Variants in MARCHF2 observed in about 807,000 individuals in gnomAD.
The protein encoded by MARCHF2 is membrane associated ring-CH-type finger 2, also known as E3 ubiquitin-protein ligase MARCHF2.
In MARCHF2, 22 loss-of-function variants were observed where a neutral mutation model predicts 24.0. The observed-to-expected ratio is 0.92, with a 90% CI of 0.66 to 1.31. MARCHF2 has a LOEUF of 1.31. Among genes scored for constraint, MARCHF2 ranks in the 50% most tolerant of loss-of-function variants. The pLI, the probability that MARCHF2 is intolerant of heterozygous loss-of-function variation, is 0.00. For synonymous variants in MARCHF2, 154 were observed against 153.0 expected, an observed-to-expected ratio of 1.01 and a Z score of -0.05; for missense variants, 301 against 335.3, an observed-to-expected ratio of 0.90 and a Z score of 0.80.
intron 4 of MARCHF2, among the ~76,000 whole-genome samples, chr19:8,435,018 TA>T (rs1188094919): frequency 7.1e-6 from 1 of 141,222 alleles, no homozygotes; most frequent in East Asian, 2.1e-4. Context: ...ATTTATTTTT[TA>T]ATTTTTTTTT....
intron 2 of MARCHF2, chr19:8,423,353 C>G (rs556315928): frequency 1.3e-5 from 2 of 152,150 alleles, no homozygotes; most frequent in African/African-American, 4.8e-5. Flanking sequence ...AACCACTGTG[C>G]CTGGCCTCTT....
chr19:8,415,735 C>CAAAAAAAAAAAAA (rs1230223487), intron 1 of MARCHF2, among the ~76,000 whole-genome samples: 1 of 96,728 alleles, frequency 1.0e-5, no homozygotes, highest in Non-Finnish European at 2.1e-5. Flanking sequence ...AAAAAAAAAA[C>CAAAAAAAAAAAAA]AAAAAAAACA....
In MARCHF2 at chr19:8,428,761, C is replaced by T. The variant is rs192512456; in HGVS notation, c.373-1897C>T. Among the ~76,000 whole-genome samples, 225 of 147,234 alleles carry T rather than the reference C, an allele frequency of 1.5e-3. 6 individuals carry two copies. The East Asian group carries it at 0.042, about 27-fold the overall frequency. The stretch of plus-strand genomic sequence containing the variant: ...GGTGGATCACCTGAGTTCAGGAGTT[C>T]GAGACCAGCCTGGCCAATGTGGTAA... On this transcript the variant is annotated intron_variant, in intron 3 of 4. Coordinates refer to ENST00000215555, the MANE Select transcript of MARCHF2 (RefSeq NM_001005415.2).
At chr19:8,432,131 C>T (rs924897393) in intron 4 of MARCHF2, among the ~76,000 whole-genome samples, 3 of 152,014 alleles carry the variant, frequency 2.0e-5, no homozygotes, top group Non-Finnish European at 4.4e-5. Context: ...GTACTCCAGC[C>T]TGGGCGACAG....
At chr19:8,417,813 A>T (rs572167436) in intron 1 of MARCHF2, among the ~76,000 whole-genome samples, 4 of 110,644 alleles carry the variant, frequency 3.6e-5, no homozygotes, top group Admixed American at 1.3e-4. Flanking sequence ...CCCAGGCTGG[A>T]GTGCAATGGT....
chr19:8,414,011 CCA>C (rs2145525079), intron 1 of MARCHF2, among the ~76,000 whole-genome samples: 1 of 152,194 alleles, frequency 6.6e-6, no homozygotes, highest in South Asian at 2.1e-4. Flanking sequence ...TTGCCCAGGG[CCA>C]CACAGCACAT....
At chr19:8,422,333 A>T (rs979660030) in intron 2 of MARCHF2, among the ~76,000 whole-genome samples, 2 of 151,736 alleles carry the variant, frequency 1.3e-5, no homozygotes, top group Non-Finnish European at 2.9e-5. Flanking sequence ...CTCGGCCCTG[A>T]CCCTGAGTGG....
At position 8,438,726 on chromosome 19, in the gene MARCHF2, AG is replaced by A; in HGVS notation, c.*183del. 7.7e-6 allele frequency: 4 copies of A among 517,348 alleles called. No homozygotes were observed. Among genetic ancestry groups the A allele is most frequent in the South Asian group, 5.9e-5 (2 of 34,078 alleles). The allele number at this position is 517,348 out of a possible 1,614,324, so 32.0% of individuals were successfully genotyped here. On this transcript the variant is annotated 3_prime_UTR_variant, in exon 5 of 5. Transcript: ENST00000215555. ...TGTGATCCTGTGTGAAGATATTTTC[AG>A]GGTTTTTTTTTTTTTTTTTTTGCAT...
chr19:8,413,524 C>T (rs1247755568), intron 1 of MARCHF2, 104 bp downstream of exon 1: 8 of 152,148 alleles, frequency 5.3e-5, no homozygotes, highest in African/African-American at 1.9e-4. Context: ...GGGCTCGATC[C>T]CTTGGCCACA....
At chr19:8,424,537 G>A (rs145887039) in intron 2 of MARCHF2, among the ~76,000 whole-genome samples, 165 of 152,058 alleles carry the variant, frequency 1.1e-3, no homozygotes, top group Middle Eastern at 6.8e-3. Flanking sequence ...CGTGGTGGCC[G>A]GCGCCTGTAG....
chr19:8,422,682 C>T (rs577120380), intron 2 of MARCHF2, among the ~76,000 whole-genome samples: 30 of 149,102 alleles, frequency 2.0e-4, no homozygotes, highest in Middle Eastern at 3.5e-3. Context: ...TGTGAGCCAC[C>T]GTGCCCAGCC....
At chr19:8,433,871 C>G (rs1359642194) in intron 4 of MARCHF2, among the ~76,000 whole-genome samples, 1 of 93,180 alleles carries the variant, frequency 1.1e-5, no homozygotes, top group East Asian at 2.9e-4. Flanking sequence ...GACTCTGTCT[C>G]AAAAAAAAAA....
At chr19:8,425,090 TTGGGACCGGGCG>T (rs1967361046) in intron 2 of MARCHF2, among the ~76,000 whole-genome samples, 1 of 151,818 alleles carries the variant, frequency 6.6e-6, no homozygotes, top group Non-Finnish European at 1.5e-5. Context: ...AAAAAAAATT[TTGGGACCGGGCG>T]TGGTGGCTCA....
chr19:8,437,603 G>T (rs1449250933), intron 4 of MARCHF2, among the ~76,000 whole-genome samples: 1 of 151,088 alleles, frequency 6.6e-6, no homozygotes, highest in East Asian at 1.9e-4. Context: ...CACCTGCCTT[G>T]GCCTCCCAAA....
At chr19:8,433,378 A>C (rs1300822750) in intron 4 of MARCHF2, among the ~76,000 whole-genome samples, 1 of 151,906 alleles carries the variant, frequency 6.6e-6, no homozygotes, top group Non-Finnish European at 1.5e-5. Context: ...CCCCGTTTCT[A>C]CTAAAAATAC....
chr19:8,417,259 C>T (rs1967108032), intron 1 of MARCHF2, among the ~76,000 whole-genome samples: 1 of 152,028 alleles, frequency 6.6e-6, no homozygotes, highest in Non-Finnish European at 1.5e-5. Flanking sequence ...GCCTGGCCAA[C>T]GTGGTGAAAC....
chr19:8,435,086 T>G (rs951716336), intron 4 of MARCHF2, among the ~76,000 whole-genome samples: 1 of 150,386 alleles, frequency 6.6e-6, no homozygotes, highest in African/African-American at 2.4e-5. Context: ...TGACGCGATC[T>G]TGGCTCACTG....
In MARCHF2 at chr19:8,421,804, G is replaced by C; in HGVS notation, c.-37G>C. ...CTGTTCCCAGGCTCCTGGAACCATG[G>C]GCCTCAGGCCCTGAGGATACGGGGC... is the stretch of plus-strand genomic sequence containing the variant. On this transcript the variant is annotated 5_prime_UTR_variant, in exon 2 of 5. Transcript: ENST00000215555. The C allele has an allele frequency of 6.4e-7, 1 of 1,552,844 alleles. No individual in the cohort carries two copies.
rs539979590 is a variant in MARCHF2, at chr19:8,427,438, G to A, written c.372+634G>A. The stretch of plus-strand genomic sequence containing the variant: ...GGGGACCCAGCCACCAACAAGACAC[G>A]TAGGGCTGGGCACTCATGGAGATTA... On this transcript the variant is annotated intron_variant, in intron 3 of 4. Transcript: ENST00000215555. Among the ~76,000 whole-genome samples, 14 of 151,388 alleles carry A rather than the reference G, an allele frequency of 9.2e-5. No homozygotes were observed. In the East Asian group the frequency reaches 1.2e-3, roughly 13 times the overall value.
Sources: allele counts gnomAD v4.1 joint callset (sites outside exome capture counted in the v4.1 genomes callset), GRCh38; gene constraint gnomAD v4.1.1; transcripts MANE v1.5; gene names NCBI Gene and HGNC (gene_info 2026-07-23, HGNC 2026-07-21).